Variants in CHD5 observed in about 807,000 individuals in gnomAD.
The protein encoded by CHD5 is ATP-dependent chromatin remodeler CHD5.
CHD5 carries 69 observed loss-of-function variants against 230.3 expected under a neutral mutation model. That is an observed-to-expected ratio of 0.30 (90% CI 0.25 to 0.37). The LOEUF (loss-of-function observed/expected upper bound fraction) is 0.37. CHD5 is among the 10% of genes least tolerant of loss of function. The pLI, the probability that CHD5 is intolerant of heterozygous loss-of-function variation, is 1.00. For synonymous variants in CHD5, 1,064 were observed against 1,065.9 expected, an observed-to-expected ratio of 1.00 and a Z score of 0.03; for missense variants, 1,827 against 2,622.8, an observed-to-expected ratio of 0.70 and a Z score of 6.63.
intron 36 of CHD5, 78 bp from the exon 37 acceptor site, chr1:6,110,604 G>C: frequency 7.4e-7 from 1 of 1,350,146 alleles, no homozygotes; most frequent in South Asian, 1.2e-5. Context: ...CAGGGAGGGG[G>C]AGGGGCCAGC....
chr1:6,131,803 C>A lies in CHD5; in HGVS notation c.3145-55G>T. 8.5e-7 allele frequency: 1 copy of A among 1,180,704 alleles called. No individual in the cohort carries two copies. The allele number at this position is 1,180,704 out of a possible 1,614,324, so 73.1% of individuals were successfully genotyped here. A position where few individuals can be genotyped will look rare whatever the true frequency, so the allele number is the denominator to read the frequency against. On this transcript the variant is annotated intron_variant, in intron 20 of 41. Transcript: ENST00000262450. This position sits in a 1 kb window ranked among gnomAD's most constrained non-coding sequence, Gnocchi z 5.0. ...GCCAAGGAGCAAGGGGCCCCATGGG[C>A]CATGGGCGGGGACCCCGCCACAGGC...
Position 6,109,890 on chromosome 1 carries a change from C to T in CHD5, c.5483G>A (p.Arg1828His), listed in dbSNP as rs765427175. ...PNHPAMALNA[R>H]LAEVECLAES... Reference sequence around the variant, plus strand: ...GGCGAGGCACTCCACTTCAGCCAGGCGGGCGTTGAGGGCCATGGCGGGGTG... The same window carrying T: ...GGCGAGGCACTCCACTTCAGCCAGGTGGGCGTTGAGGGCCATGGCGGGGTG... The change falls in exon 38 of 42, where the codon CGC becomes CAC. Residue 1828 changes from arginine to histidine, a missense_variant. By Grantham distance (29) the Arg-to-His change is conservative (BLOSUM62 0). This residue lies in a region of CHD5 where 208 missense variants were observed against 302.0 expected (regional missense o/e 0.69). Coordinates refer to ENST00000262450, the MANE Select transcript of CHD5 (RefSeq NM_015557.3). The T allele has an allele frequency of 7.4e-6, 12 of 1,612,210 alleles. No homozygotes were observed. The highest frequency in any genetic ancestry group is 4.5e-5 in the East Asian group (2 of 44,868).
At position 6,138,559 on chromosome 1, in the gene CHD5, G is replaced by C. The variant is rs986366384; in HGVS notation, c.2437-1694C>G. Among the ~76,000 whole-genome samples the C allele has an allele frequency of 4.6e-5, 7 of 152,366 alleles. No homozygotes were observed. In the East Asian group the frequency reaches 1.4e-3, roughly 29 times the overall value. On this transcript the variant is annotated intron_variant, in intron 15 of 41. Transcript: ENST00000262450. ...CTCCCAGCAGCCCACATGCCTGTGAGAGAGCAGAGAGGGCCGAGGATGCCG... is the reference window on the plus strand; with the variant it reads ...CTCCCAGCAGCCCACATGCCTGTGACAGAGCAGAGAGGGCCGAGGATGCCG...
intron 3 of CHD5, among the ~76,000 whole-genome samples, chr1:6,157,641 C>G (rs1396881628): frequency 3.9e-5 from 6 of 152,302 alleles, no homozygotes; most frequent in Middle Eastern, 3.4e-3. Flanking sequence ...ATTCTTGCCT[C>G]CTGTTCTGTG....
At chr1:6,112,311 C>T in intron 34 of CHD5, 34 bp from the exon 35 acceptor site, 1 of 1,605,160 alleles carries the variant, frequency 6.2e-7, no homozygotes, top group Non-Finnish European at 8.5e-7. Flanking sequence ...TTCATCCATC[C>T]ATCCAAAAAG....
Position 6,124,404 on chromosome 1 carries a change from GC to G in CHD5, c.4539+112del. On this transcript the variant is annotated intron_variant, in intron 30 of 41. Transcript: ENST00000262450. ...CCCTCTGGAGTGACTCGGACCCTGG[GC>G]AGCTGTGTGGCCTGAACCAGGCACT... 6.4e-6 allele frequency: 8 copies of G among 1,244,082 alleles called. No homozygotes were observed. In the South Asian group the frequency reaches 1.0e-4, roughly 16 times the overall value. 77.1% of individuals were successfully genotyped at this position (1,244,082 alleles called of 1,614,324 possible).
intron 11 of CHD5, among the ~76,000 whole-genome samples, chr1:6,145,014 T>TTTAGTAAATTTCTACC (rs1571157999): frequency 6.6e-6 from 1 of 152,304 alleles, no homozygotes; most frequent in East Asian, 1.9e-4. Flanking sequence ...TAGCATGTAA[T>TTTAGTAAATTTCTACC]TTAGTAAAGG....
chr1:6,124,809 A>T, intron 29 of CHD5, 148 bp from the exon 30 acceptor site: 1 of 672,826 alleles, frequency 1.5e-6, no homozygotes, highest in South Asian at 1.9e-5. Context: ...CCGGGAAAGG[A>T]CAGAGAGGGC....
intron 2 of CHD5, among the ~76,000 whole-genome samples, chr1:6,160,590 G>A (rs940206709): frequency 1.2e-4 from 19 of 152,292 alleles, no homozygotes; most frequent in African/African-American, 3.4e-4. Flanking sequence ...ATGGAACTGC[G>A]TTCGTCAGGT....
In CHD5 at chr1:6,129,986, G is replaced by A. The variant is rs72632515; in HGVS notation, c.3387+218C>T. On this transcript the variant is annotated intron_variant, in intron 22 of 41. Coordinates refer to ENST00000262450, the MANE Select transcript of CHD5 (RefSeq NM_015557.3). This position sits in a 1 kb window ranked among gnomAD's most constrained non-coding sequence, Gnocchi z 6.8. ...CACTTCCCCTGCCCTCTCCAAGCCT[G>A]CTTCCTCCTCTGGACAAGGACAGAG... 0.011 allele frequency among the ~76,000 whole-genome samples: 1,713 copies of A among 152,280 alleles called. 17 individuals carry two copies. The highest frequency in any genetic ancestry group is 0.019 in the Non-Finnish European group (1,304 of 68,000).
intron 1 of CHD5, among the ~76,000 whole-genome samples, chr1:6,174,276 G>A (rs551418119): frequency 6.6e-6 from 1 of 152,136 alleles, no homozygotes; most frequent in East Asian, 1.9e-4. Flanking sequence ...TAAGGACAGA[G>A]CCACAGAGAT....
chr1:6,120,167 C>T (rs977181800), intron 33 of CHD5, among the ~76,000 whole-genome samples: 5 of 152,010 alleles, frequency 3.3e-5, no homozygotes, highest in Non-Finnish European at 5.9e-5. Context: ...AGCCCTAATG[C>T]ATATAGTTAG....
chr1:6,118,704 T>C (rs1433094158), intron 33 of CHD5, among the ~76,000 whole-genome samples: 1 of 88,604 alleles, frequency 1.1e-5, no homozygotes, highest in African/African-American at 7.0e-5. Flanking sequence ...CTTCATTACT[T>C]TTTTTTTTTT....
At chr1:6,122,998 C>T (rs1317110877) in intron 31 of CHD5, among the ~76,000 whole-genome samples, 4 of 150,326 alleles carry the variant, frequency 2.7e-5, no homozygotes, top group African/African-American at 4.9e-5. Flanking sequence ...ACCTGGGAGG[C>T]GGAGGTTGCA....
At chr1:6,160,879 G>A (rs1667165919) in intron 2 of CHD5, among the ~76,000 whole-genome samples, 1 of 152,206 alleles carries the variant, frequency 6.6e-6, no homozygotes, top group Admixed American at 6.5e-5. Flanking sequence ...GGAGAAAGTG[G>A]TTTACTTGTG....
intron 2 of CHD5, among the ~76,000 whole-genome samples, chr1:6,165,164 G>C (rs901315083): frequency 1.3e-5 from 2 of 152,102 alleles, no homozygotes; most frequent in Non-Finnish European, 2.9e-5. Context: ...CGGAGAACCA[G>C]CCCTCCCAGG....
rs766352758 is a variant in CHD5 at position 6,146,244 on chromosome 1, C to T, written c.1770G>A (p.Glu590=). 1 of 1,614,196 alleles carries T rather than the reference C, an allele frequency of 6.2e-7. No individual in the cohort carries two copies. The highest frequency in any genetic ancestry group is 1.1e-5 in the South Asian group (1 of 91,082). ...ERFYRYGIKP[E]WMMIHRILNH... ...TCAGGATTCGGTGAATCATCATCCA[C>T]TCTGGCTTGATGCCATAGCGGTAGA... The change falls in exon 11 of 42, where the codon GAG becomes GAA. Residue 590 remains glutamate (E), a synonymous_variant. Transcript: ENST00000262450. This position sits in a 1 kb window ranked among gnomAD's most constrained non-coding sequence, Gnocchi z 5.1.
intron 25 of CHD5, chr1:6,127,090 G>C (rs1049481311): frequency 1.6e-5 from 5 of 315,180 alleles, no homozygotes; most frequent in East Asian, 1.6e-4. Context: ...CACCAGGTCT[G>C]CACGGAGGGT....
chr1:6,141,593 C>T (rs1230920338), intron 15 of CHD5, among the ~76,000 whole-genome samples: 1 of 151,806 alleles, frequency 6.6e-6, no homozygotes, highest in Non-Finnish European at 1.5e-5. Flanking sequence ...CCAGCCTGGG[C>T]GATACAGTGT....
Sources: allele counts gnomAD v4.1 joint callset (sites outside exome capture counted in the v4.1 genomes callset), GRCh38; gene constraint gnomAD v4.1.1; regional missense constraint gnomAD v4.1.1; non-coding constraint Gnocchi (gnomAD v3.1); transcripts MANE v1.5; gene names NCBI Gene and HGNC (gene_info 2026-07-23, HGNC 2026-07-21).